The following RHBDD1 variants were observed in gnomAD, a reference collection of about 807,000 sequenced individuals.
RHBDD1 encodes rhomboid domain containing 1.
A neutral mutation model predicts 36.3 loss-of-function variants in RHBDD1; 38 were observed. The observed-to-expected ratio is 1.05, with a 90% CI of 0.81 to 1.37. The LOEUF is 1.37. Among genes scored for constraint, RHBDD1 ranks in the 40% most tolerant of loss-of-function variants. The pLI is 0.00. For synonymous variants in RHBDD1, 151 were observed against 136.5 expected, an observed-to-expected ratio of 1.11 and a Z score of -0.74; for missense variants, 393 against 377.6, an observed-to-expected ratio of 1.04 and a Z score of -0.34.
At chr2:226,847,478 T>C (rs1014669014) in intron 3 of RHBDD1, among the ~76,000 whole-genome samples, 11 of 152,240 alleles carry the variant, frequency 7.2e-5, no homozygotes, top group Non-Finnish European at 1.0e-4. Context: ...CCAAAAAGTA[T>C]CTGCTTTAGA....
chr2:226,946,949 A>G (rs990709789), intron 8 of RHBDD1, among the ~76,000 whole-genome samples: 1 of 152,186 alleles, frequency 6.6e-6, no homozygotes, highest in Non-Finnish European at 1.5e-5. Flanking sequence ...TCATCACATA[A>G]ACAGAACCAA....
chr2:226,864,370 C>T (rs1223385867), intron 3 of RHBDD1, among the ~76,000 whole-genome samples: 1 of 152,026 alleles, frequency 6.6e-6, no homozygotes, highest in African/African-American at 2.4e-5. Context: ...AAAAACATAC[C>T]TGTCCATTAA....
intron 8 of RHBDD1, among the ~76,000 whole-genome samples, chr2:226,960,207 G>T (rs981856679): frequency 6.6e-6 from 1 of 152,134 alleles, no homozygotes; most frequent in African/African-American, 2.4e-5. Context: ...TTGAGAGTTC[G>T]AGGTCCTCCC....
chr2:226,842,315 T>C (rs1045600863), intron 3 of RHBDD1, among the ~76,000 whole-genome samples: 2 of 152,174 alleles, frequency 1.3e-5, no homozygotes, highest in Non-Finnish European at 1.5e-5. Flanking sequence ...TTGTCAATTT[T>C]TGCTTTTGTT....
intron 3 of RHBDD1, among the ~76,000 whole-genome samples, chr2:226,846,982 A>C (rs1418774452): frequency 6.6e-6 from 1 of 152,204 alleles, no homozygotes; most frequent in East Asian, 1.9e-4. Flanking sequence ...GGGTTTTGTC[A>C]AGTAGTGAAT....
intron 5 of RHBDD1, among the ~76,000 whole-genome samples, chr2:226,869,922 C>T (rs1944648757): frequency 6.6e-6 from 1 of 152,204 alleles, no homozygotes; most frequent in Non-Finnish European, 1.5e-5. Context: ...TCTGTCCCTT[C>T]CCACCTCCTA....
chr2:226,862,370 T>TTTTTG (rs1272222886), intron 3 of RHBDD1, among the ~76,000 whole-genome samples: 1 of 151,812 alleles, frequency 6.6e-6, no homozygotes, highest in Non-Finnish European at 1.5e-5. Flanking sequence ...TTTTTTTTTT[T>TTTTTG]TAACTCTAAA....
intron 8 of RHBDD1, among the ~76,000 whole-genome samples, chr2:226,920,506 T>C (rs1949233234): frequency 6.6e-6 from 1 of 152,176 alleles, no homozygotes; most frequent in African/African-American, 2.4e-5. Flanking sequence ...CCTTTCAACA[T>C]GATACTAGCT....
chr2:226,984,336 A>G (rs1055053730), intron 8 of RHBDD1, among the ~76,000 whole-genome samples: 2 of 152,232 alleles, frequency 1.3e-5, no homozygotes, highest in African/African-American at 2.4e-5. Context: ...TAATATGATC[A>G]GGTTATAGTG....
chr2:226,906,640 G>T, intron 5 of RHBDD1, 153 bp from the exon 6 acceptor site: 1 of 1,476,870 alleles, frequency 6.8e-7, no homozygotes, highest in Non-Finnish European at 9.0e-7. Context: ...GTTGTTCTTT[G>T]GACTGAGTTA....
intron 8 of RHBDD1, among the ~76,000 whole-genome samples, chr2:226,923,157 C>T (rs905088814): frequency 6.6e-6 from 1 of 152,136 alleles, no homozygotes; most frequent in Non-Finnish European, 1.5e-5. Flanking sequence ...CATTAACATC[C>T]TTTTCTTTCA....
intron 8 of RHBDD1, among the ~76,000 whole-genome samples, chr2:226,992,418 A>G (rs571270634): frequency 2.6e-5 from 4 of 152,264 alleles, no homozygotes; most frequent in Non-Finnish European, 5.9e-5. Context: ...TCAGAGAGTA[A>G]GATGGCTTTT....
chr2:226,899,737 T>C (rs1279558864), intron 5 of RHBDD1, among the ~76,000 whole-genome samples: 2 of 152,186 alleles, frequency 1.3e-5, no homozygotes, highest in African/African-American at 2.4e-5. Context: ...AATAGGATGC[T>C]GAAATAAAAA....
chr2:226,972,952 A>G (rs1365525787), intron 8 of RHBDD1, among the ~76,000 whole-genome samples: 1 of 151,334 alleles, frequency 6.6e-6, no homozygotes, highest in African/African-American at 2.4e-5. Context: ...AAAACAAAAA[A>G]CCATGCAGGT....
At chr2:226,907,892 C>T (rs1948182353) in intron 6 of RHBDD1, among the ~76,000 whole-genome samples, 1 of 152,072 alleles carries the variant, frequency 6.6e-6, no homozygotes, top group African/African-American at 2.4e-5. Context: ...CAATTTAATA[C>T]TCATTAGTAC....
Position 226,867,193 on chromosome 2 carries a change from G to T in RHBDD1, c.441G>T (p.Leu147Phe). The T allele has an allele frequency of 6.2e-7, 1 of 1,606,698 alleles. No homozygotes were observed. Among genetic ancestry groups the T allele is most frequent in the Admixed American group, 1.7e-5 (1 of 58,486 alleles). ...TTCTTCATTCTCTTTTAGGAGTTTT[G>T]TTTGCTTTGAAAGTTCTTAACAACC... ...RSCAVGFSGV[L>F]FALKVLNNHY... The change falls in exon 5 of 9, where the codon TTG (leucine) becomes TTT (phenylalanine). Residue 147 changes from leucine (L) to phenylalanine (F), a missense_variant. Physicochemically the swap from Leu to Phe is conservative, Grantham distance 22. Coordinates refer to ENST00000392062, the MANE Select transcript of RHBDD1 (RefSeq NM_001167608.3).
At chr2:226,987,427 T>C (rs1957224584) in intron 8 of RHBDD1, among the ~76,000 whole-genome samples, 1 of 152,154 alleles carries the variant, frequency 6.6e-6, no homozygotes, top group Admixed American at 6.5e-5. Flanking sequence ...CATGGCTGCT[T>C]CTGTGCCCAG....
In RHBDD1 at chr2:226,893,430, A is replaced by T. The variant is rs558176224; in HGVS notation, c.567-13363A>T. On this transcript the variant is annotated intron_variant, in intron 5 of 8. Coordinates refer to ENST00000392062, the MANE Select transcript of RHBDD1 (RefSeq NM_001167608.3). Reference sequence around the variant, plus strand: ...GTCGCATTTATTCTGCTACAGTACAATGTGGAAGTGATCATGGCCTCTTTC... The same window carrying T: ...GTCGCATTTATTCTGCTACAGTACATTGTGGAAGTGATCATGGCCTCTTTC... Among the ~76,000 whole-genome samples the T allele has an allele frequency of 2.6e-5, 4 of 152,312 alleles. No individual in the cohort carries two copies. In the South Asian group the frequency reaches 8.3e-4, roughly 32 times the overall value.
At chr2:226,893,430 A>G (rs558176224) in intron 5 of RHBDD1, among the ~76,000 whole-genome samples, 1 of 152,194 alleles carries the variant, frequency 6.6e-6, no homozygotes, top group African/African-American at 2.4e-5. Flanking sequence ...CTACAGTACA[A>G]TGTGGAAGTG....
Sources: gnomAD v4.1 joint callset for allele counts (sites outside exome capture counted in the v4.1 genomes callset) on GRCh38, gnomAD v4.1.1 for gene constraint, MANE v1.5 for transcripts, NCBI Gene and HGNC (gene_info 2026-07-23, HGNC 2026-07-21) for gene names.